Variants in ATN1 observed in about 807,000 individuals in gnomAD.
ATN1 encodes the protein atrophin-1.
In ATN1, 19 loss-of-function variants were observed where a neutral mutation model predicts 85.8. The ratio of observed to expected loss-of-function variants is 0.22; its 90% CI spans 0.15 to 0.32. The LOEUF (loss-of-function observed/expected upper bound fraction) is 0.32, where lower values mean the gene tolerates loss of function less well. Ranked by LOEUF, ATN1 falls within the 10% of genes least tolerant of loss-of-function variation. The pLI is 1.00. For missense variants in ATN1, 1,453 were observed against 1,564.5 expected (o/e 0.93, Z 1.20); for synonymous variants, 674 against 657.0 (o/e 1.03, Z -0.39).
At position 6,936,683 on chromosome 12, in the gene ATN1, C is replaced by T. The variant is rs781808775; in HGVS notation, c.1416C>T (p.Ala472=). 18 of 1,613,506 alleles carry T rather than the reference C, an allele frequency of 1.1e-5. No homozygotes were observed. The South Asian group carries it at 2.0e-4, about 18-fold the overall frequency. The change falls in exon 5 of 10, where the codon GCC becomes GCT. Residue 472 remains alanine, a synonymous_variant. Transcript: ENST00000396684. ...FPPSTGAQST[A]HPPVSTHHHH... ...CCTCTACTGGGGCCCAGTCCACCGC[C>T]CACCCACCAGTCTCAACACATCACC... is the stretch of plus-strand genomic sequence containing the variant.
Position 6,936,040 on chromosome 12 carries a change from C to T in ATN1, c.773C>T (p.Thr258Ile), listed in dbSNP as rs781849378. ...GGTAAGCAGCACCCCCCACCCACTA[C>T]TCCCATTTCAGTATCAAGCTCTGGG... ...NGGKQHPPPT[T>I]PISVSSSGAS... Residue 258 changes from threonine to isoleucine, a missense_variant, in exon 5 of 10, where the codon ACT becomes ATT. By Grantham distance (89) the Thr-to-Ile change is moderately conservative. Coordinates refer to ENST00000396684, the MANE Select transcript of ATN1 (RefSeq NM_001940.4). 9.5e-6 allele frequency: 15 copies of T among 1,575,812 alleles called. No individual in the cohort carries two copies. Among genetic ancestry groups the T allele is most frequent in the Non-Finnish European group, 1.3e-5 (15 of 1,161,592 alleles).
At chr12:6,927,746 C>A (rs1945412848), upstream of ATN1, among the ~76,000 whole-genome samples, 1 of 151,832 alleles carries the variant, frequency 6.6e-6, no homozygotes, top group South Asian at 2.1e-4. Flanking sequence ...CCCTCCTTCT[C>A]CCTCTTCCTC....
chr12:6,941,434 T>C lies in ATN1; in HGVS notation c.3419T>C (p.Leu1140Pro). ...LSAPMSAAHQLQAMHAQSAEL... is the reference protein window; with the variant it reads ...LSAPMSAAHQPQAMHAQSAEL... ...GCCCCGATGTCAGCAGCTCATCAGC[T>C]GCAGGCCATGCACGCACAGTCAGCT... Residue 1140 changes from leucine (L) to proline (P), a missense_variant, in exon 9 of 10, where the codon CTG becomes CCG. By Grantham distance (98) the Leu-to-Pro change is moderately conservative. Around this residue, in one of 6 missense-constraint regions of ATN1, gnomAD observed 118 missense variants for 163.7 expected, o/e 0.72. Coordinates refer to ENST00000396684, the MANE Select transcript of ATN1 (RefSeq NM_001940.4). This position sits in a 1 kb window ranked among gnomAD's most constrained non-coding sequence, Gnocchi z 5.9. The C allele has an allele frequency of 6.2e-7, 1 of 1,611,800 alleles. No homozygotes were observed. Among genetic ancestry groups the C allele is most frequent in the Non-Finnish European group, 8.5e-7 (1 of 1,179,256 alleles).
At chr12:6,938,122 T>TCTGCGCTGCG in intron 6 of ATN1, 55 bp downstream of exon 6, 6 of 1,496,362 alleles carry the variant, frequency 4.0e-6, no homozygotes, top group African/African-American at 2.8e-5. Context: ...CTTCCTTCCC[T>TCTGCGCTGCG]CTGCGCTGCG....
chr12:6,936,982 C>A lies in ATN1; in HGVS notation c.1715C>A (p.Ser572Tyr), dbSNP rs782557586. ...AATGGCCCTCCAGTCTCTTCCTCTT[C>A]CAACTCTTCCTCTTCCACTTCTCAA... is the stretch of plus-strand genomic sequence containing the variant. ...GPNGPPVSSS[S>Y]NSSSSTSQGS... Residue 572 changes from serine to tyrosine, a missense_variant, in exon 5 of 10, where the codon TCC becomes TAC. Around this residue, in one of 6 missense-constraint regions of ATN1, gnomAD observed 990 missense variants for 914.8 expected, o/e 1.08. Transcript: ENST00000396684. 15 of 1,613,510 alleles carry A rather than the reference C, an allele frequency of 9.3e-6. No homozygotes were observed. Among genetic ancestry groups the A allele is most frequent in the Non-Finnish European group, 1.3e-5 (15 of 1,179,688 alleles).
intron 1 of ATN1, among the ~76,000 whole-genome samples, 173 bp downstream of exon 1, chr12:6,928,557 CGGGGGCTCAGGGGGTGGGGCCCG>C (rs1488642122): frequency 2.0e-5 from 3 of 151,682 alleles, no homozygotes; most frequent in Non-Finnish European, 2.9e-5. Flanking sequence ...GCCTGAGGGC[CGGGGGCTCAGGGGGTGGGGCCCG>C]CCGAGGAGAG....
At chr12:6,926,009 C>T (rs1341611033), upstream of ATN1, among the ~76,000 whole-genome samples, 3 of 152,200 alleles carry the variant, frequency 2.0e-5, no homozygotes, top group African/African-American at 7.2e-5. Context: ...GTCCTTTGTC[C>T]TGGGAGATGT....
At chr12:6,927,869 G>T (rs1555142739), upstream of ATN1, among the ~76,000 whole-genome samples, 1 of 151,546 alleles carries the variant, frequency 6.6e-6, no homozygotes, top group East Asian at 1.9e-4. Flanking sequence ...TCGGGGCCTC[G>T]GGCCGGGCCA....
At chr12:6,927,528 T>A (rs1555142698), upstream of ATN1, among the ~76,000 whole-genome samples, 1 of 146,874 alleles carries the variant, frequency 6.8e-6, no homozygotes, top group Non-Finnish European at 1.5e-5. Context: ...CCCTCCTACC[T>A]AGCCCTCTCC....
rs1345668396 is a variant in ATN1 at position 6,934,374 on chromosome 12, G to T, written c.165+61G>T. ...AGGCACTGGGGCTGAGGGTGTGTGT[G>T]TGTTGTGGGGGAACTTCCTGTTTGG... On this transcript the variant is annotated intron_variant, in intron 3 of 9. Transcript: ENST00000396684. The surrounding 1 kb of genome is among the most constrained non-coding windows in gnomAD (Gnocchi z 4.5). 3.1e-6 allele frequency: 5 copies of T among 1,598,462 alleles called. No homozygotes were observed. The African/African-American group carries it at 6.7e-5, about 21-fold the overall frequency.
upstream of ATN1, among the ~76,000 whole-genome samples, chr12:6,925,021 C>G (rs782198306): frequency 5.1e-4 from 78 of 152,218 alleles, no homozygotes; most frequent in Middle Eastern, 0.014. Flanking sequence ...CTCCACTTTC[C>G]CTTTGTGCCG....
chr12:6,938,193 G>A (rs1233736221), intron 6 of ATN1, 126 bp downstream of exon 6: 5 of 1,433,768 alleles, frequency 3.5e-6, no homozygotes, highest in Non-Finnish European at 4.6e-6. Flanking sequence ...GTCGCCACCT[G>A]TCGGAGGGGA....
chr12:6,938,467 C>T lies in ATN1; in HGVS notation c.2518-14C>T. 2 of 1,593,108 alleles carry T rather than the reference C, an allele frequency of 1.3e-6. No individual in the cohort carries two copies. The highest frequency in any genetic ancestry group is 1.7e-6 in the Non-Finnish European group (2 of 1,165,084). The stretch of plus-strand genomic sequence containing the variant: ...AACTGCCGCTTTGACTCCACTTTTC[C>T]CTGTATCCCACAGAAGTTGGCTCAG... On this transcript the variant is annotated splice_polypyrimidine_tract_variant and intron_variant, in intron 6 of 9. Coordinates refer to ENST00000396684, the MANE Select transcript of ATN1 (RefSeq NM_001940.4).
chr12:6,928,811 C>T (rs1945429278), intron 1 of ATN1, among the ~76,000 whole-genome samples: 1 of 152,064 alleles, frequency 6.6e-6, no homozygotes, highest in African/African-American at 2.4e-5. Context: ...ATGAAGCCTC[C>T]AGGAAAAAGC....
rs1555143975 is a variant in ATN1 at position 6,937,412 on chromosome 12, T to C, written c.2145T>C (p.Pro715=). 1.9e-6 allele frequency: 3 copies of C among 1,547,882 alleles called. No individual in the cohort carries two copies. The highest frequency in any genetic ancestry group is 2.6e-6 in the Non-Finnish European group (3 of 1,147,500). ...LPSLPPPPAA[P]ASGPPLSATQ... is the part of the protein sequence containing the mutation. ...CGCTGCCACCACCACCTGCGGCCCC[T>C]GCCTCAGGGCCGCCCCTGAGCGCCA... The change falls in exon 5 of 10, where the codon CCT becomes CCC. Residue 715 remains proline (P), a synonymous_variant. Coordinates refer to ENST00000396684, the MANE Select transcript of ATN1 (RefSeq NM_001940.4). This position sits in a 1 kb window ranked among gnomAD's most constrained non-coding sequence, Gnocchi z 6.0.
intron 1 of ATN1, among the ~76,000 whole-genome samples, chr12:6,932,116 CA>C (rs2138205843): frequency 6.6e-6 from 1 of 151,584 alleles, no homozygotes; most frequent in South Asian, 2.1e-4. Context: ...GGCTCTGTCC[CA>C]GCAATTTTGT....
chr12:6,928,244 G>GGCC lies in ATN1; in HGVS notation c.-292_-290dup, dbSNP rs1157552748. On this transcript the variant is annotated 5_prime_UTR_variant, in exon 1 of 10. Coordinates refer to ENST00000396684, the MANE Select transcript of ATN1 (RefSeq NM_001940.4). ...GGGGGCCGCCCTCCGGGGGGGTCGG[G>GGCC]GCCGCCGCCGCCGTCGTCGCGGCGG... The GGCC allele has an allele frequency of 6.8e-6, 1 of 147,990 alleles. No individual in the cohort carries two copies. The highest frequency in any genetic ancestry group is 2.5e-5 in the African/African-American group (1 of 40,472). 9.2% of individuals were successfully genotyped at this position (147,990 alleles called of 1,614,324 possible).
In ATN1 at chr12:6,941,615, G is replaced by T; in HGVS notation, c.3539+61G>T. 1.2e-6 allele frequency: 2 copies of T among 1,604,314 alleles called. No homozygotes were observed. The highest frequency in any genetic ancestry group is 2.2e-5 in the South Asian group (2 of 90,864). On this transcript the variant is annotated intron_variant, in intron 9 of 9. Coordinates refer to ENST00000396684, the MANE Select transcript of ATN1 (RefSeq NM_001940.4). The surrounding 1 kb of genome is among the most constrained non-coding windows in gnomAD (Gnocchi z 5.9). The stretch of plus-strand genomic sequence containing the variant: ...TCAGCGAGCCTGGGAGGAGCTGTGG[G>T]CATGGTACGGCTGGGCACCGTGCTC...
In ATN1 at chr12:6,935,893, C is replaced by A; in HGVS notation, c.626C>A (p.Pro209His). The A allele has an allele frequency of 6.2e-7, 1 of 1,612,826 alleles. No individual in the cohort carries two copies. Among genetic ancestry groups the A allele is most frequent in the Non-Finnish European group, 8.5e-7 (1 of 1,179,226 alleles). The change falls in exon 5 of 10, where the codon CCT (proline) becomes CAT (histidine). Residue 209 changes from proline (P) to histidine (H), a missense_variant. By Grantham distance (77) the Pro-to-His change is moderately conservative (BLOSUM62 -2). Around this residue, in one of 6 missense-constraint regions of ATN1, gnomAD observed 990 missense variants for 914.8 expected, o/e 1.08. Coordinates refer to ENST00000396684, the MANE Select transcript of ATN1 (RefSeq NM_001940.4). The surrounding 1 kb of genome is among the most constrained non-coding windows in gnomAD (Gnocchi z 5.3). ...EPPTSRMFQA[P>H]PGAPPPHPQL... ...CCCACATCTCGAATGTTCCAGGCTC[C>A]TCCTGGGGCCCCTCCCCCTCACCCA...
Sources: gnomAD v4.1 joint callset for allele counts (sites outside exome capture counted in the v4.1 genomes callset) on GRCh38, gnomAD v4.1.1 for gene constraint, gnomAD v4.1.1 regional missense constraint, Gnocchi (gnomAD v3.1) non-coding constraint, MANE v1.5 for transcripts, NCBI Gene and HGNC (gene_info 2026-07-23, HGNC 2026-07-21) for gene names.